The following CGGBP1 variants were observed in gnomAD, a reference collection of about 807,000 sequenced individuals.
CGGBP1 encodes CGG triplet repeat binding protein 1.
In CGGBP1, 4 loss-of-function variants were observed where a neutral mutation model predicts 11.4. The ratio of observed to expected loss-of-function variants is 0.35; its 90% CI spans 0.17 to 0.80. CGGBP1 has a LOEUF of 0.80. CGGBP1 is among the 30% of genes least tolerant of loss of function. The probability of loss-of-function intolerance (pLI) is 0.52; values close to 1 mark genes in which losing one functional copy is unlikely to be tolerated. For synonymous variants in CGGBP1, 76 were observed against 74.1 expected (o/e 1.03, Z -0.13); for missense variants, 135 against 202.1 (o/e 0.67, Z 2.01).
intron 2 of CGGBP1, chr3:88,126,409 G>A: frequency 2.0e-6 from 2 of 1,023,290 alleles, no homozygotes; most frequent in Non-Finnish European, 2.5e-6. Flanking sequence ...CATGAAAAGT[G>A]TTTGTTTTTC....
At chr3:88,074,713 A>G (rs1707706260) in intron 2 of CGGBP1, among the ~76,000 whole-genome samples, 2 of 152,152 alleles carry the variant, frequency 1.3e-5, no homozygotes, top group African/African-American at 4.8e-5. Flanking sequence ...CCCAATACCC[A>G]TTAAATTTAG....
chr3:88,104,710 A>G (rs1321158671), intron 2 of CGGBP1, among the ~76,000 whole-genome samples: 1 of 152,254 alleles, frequency 6.6e-6, no homozygotes, highest in Non-Finnish European at 1.5e-5. Context: ...GTGTTAAGCC[A>G]AAGTGGACAC....
intron 2 of CGGBP1, among the ~76,000 whole-genome samples, chr3:88,129,389 G>C (rs1346986469): frequency 4.0e-5 from 6 of 149,070 alleles, no homozygotes. Context: ...AAGTACTAGA[G>C]GTAAAATGCT....
intron 2 of CGGBP1, among the ~76,000 whole-genome samples, chr3:88,065,953 T>G (rs1288559626): frequency 6.6e-6 from 1 of 152,302 alleles, no homozygotes; most frequent in East Asian, 1.9e-4. Context: ...CAGGCTGGTC[T>G]TAACTCCTGA....
intron 2 of CGGBP1, chr3:88,129,705 T>C: frequency 2.0e-6 from 3 of 1,499,552 alleles, no homozygotes; most frequent in Middle Eastern, 1.8e-4. Flanking sequence ...GAAAACTGAT[T>C]GTAAGAGTGG....
chr3:88,141,723 C>G (rs1707145741), intron 1 of CGGBP1: 4 of 1,239,876 alleles, frequency 3.2e-6, no homozygotes, highest in Non-Finnish European at 4.4e-6. Context: ...AATGCATCAT[C>G]AGTTTGCTAT....
At chr3:88,116,579 T>C (rs200338783) in intron 2 of CGGBP1, among the ~76,000 whole-genome samples, 114 of 45,336 alleles carry the variant, frequency 2.5e-3, no homozygotes, top group Admixed American at 3.8e-3. Flanking sequence ...CACACACACA[T>C]GCACATATAT....
intron 2 of CGGBP1, among the ~76,000 whole-genome samples, chr3:88,124,768 C>G (rs1332600674): frequency 1.3e-5 from 1 of 79,036 alleles, no homozygotes; most frequent in Non-Finnish European, 3.1e-5. Context: ...ATGTACAATA[C>G]TCAGTTTTTT....
intron 2 of CGGBP1, chr3:88,140,066 T>C (rs758971210): frequency 6.8e-6 from 11 of 1,613,808 alleles, no homozygotes; most frequent in Non-Finnish European, 9.3e-6. Flanking sequence ...TTGAAGATTC[T>C]CAACATTTTA....
At chr3:88,096,472 T>A (rs559757963) in intron 2 of CGGBP1, among the ~76,000 whole-genome samples, 1 of 152,232 alleles carries the variant, frequency 6.6e-6, no homozygotes, top group African/African-American at 2.4e-5. Flanking sequence ...GACTTCTGAC[T>A]TCTGCCATTG....
intron 2 of CGGBP1, chr3:88,140,424 A>G: frequency 6.2e-7 from 1 of 1,613,554 alleles, no homozygotes; most frequent in South Asian, 1.1e-5. Context: ...CAAATCAAGG[A>G]AAGAGTCTAC....
Position 88,106,466 on chromosome 3 carries a change from TAG to T in CGGBP1, c.-229+34502_-229+34503del, listed in dbSNP as rs533336062. On this transcript the variant is annotated intron_variant, in intron 2 of 3. Coordinates refer to the CGGBP1 transcript ENST00000462901. ...AGTTCTCCTGCCTCAGCCTCAGGAG[TAG>T]CTGAGATTACACATGTGTGCAGCCA... is the stretch of plus-strand genomic sequence containing the variant. 4.4e-3 allele frequency among the ~76,000 whole-genome samples: 673 copies of T among 151,992 alleles called. 3 individuals carry two copies. Among genetic ancestry groups the T allele is most frequent in the African/African-American group, 0.015 (624 of 41,444 alleles).
In CGGBP1 at chr3:88,072,338, G is replaced by A. The variant is rs182972659; in HGVS notation, c.-228-14115C>T. On this transcript the variant is annotated intron_variant, in intron 2 of 3. Coordinates refer to the CGGBP1 transcript ENST00000462901. The stretch of plus-strand genomic sequence containing the variant: ...AGCAGTCAATGTGATCCTTTTAAAG[G>A]TATGAGTGAGGCCTCTTCCAAACCT... Among the ~76,000 whole-genome samples the A allele has an allele frequency of 9.8e-4, 149 of 152,148 alleles. 1 individual carries two copies. The highest frequency in any genetic ancestry group is 2.7e-3 in the African/African-American group (112 of 41,496).
At chr3:88,141,401 G>T (rs577214967) in intron 1 of CGGBP1, among the ~76,000 whole-genome samples, 36 of 152,098 alleles carry the variant, frequency 2.4e-4, no homozygotes, top group African/African-American at 8.4e-4. Context: ...TTGTAATTTT[G>T]ATGGGAATTA....
At chr3:88,106,206 T>A (rs1426420464) in intron 2 of CGGBP1, among the ~76,000 whole-genome samples, 2 of 152,226 alleles carry the variant, frequency 1.3e-5, no homozygotes, top group East Asian at 1.9e-4. Context: ...TGTGTTTGAT[T>A]TTTCCTGAGC....
At chr3:88,077,663 G>T (rs941377976) in intron 2 of CGGBP1, among the ~76,000 whole-genome samples, 11 of 145,686 alleles carry the variant, frequency 7.6e-5, no homozygotes, top group Non-Finnish European at 1.5e-4. Context: ...ATAACACATA[G>T]GAAAGATAAA....
At position 88,052,668 on chromosome 3, in the gene CGGBP1, G is replaced by C. The variant is rs1706454576; in HGVS notation, c.*2805C>G. 1 of 152,096 alleles carries C rather than the reference G, an allele frequency of 6.6e-6. No homozygotes were observed. Among genetic ancestry groups the C allele is most frequent in the Admixed American group, 6.6e-5 (1 of 15,256 alleles). The allele number at this position is 152,096 out of a possible 1,614,324, so 9.4% of individuals were successfully genotyped here. ...GATGCAGAACTTTTTAATGTTTTCT[G>C]GTCCCTGAAAATTCAATAGGGCCAA... is the stretch of plus-strand genomic sequence containing the variant. On this transcript the variant is annotated 3_prime_UTR_variant, in exon 4 of 4. Coordinates refer to ENST00000482016, the MANE Select transcript of CGGBP1 (RefSeq NM_001008390.2).
chr3:88,116,557 T>TACACACACACACAC (rs745598873), intron 2 of CGGBP1, among the ~76,000 whole-genome samples: 38 of 25,506 alleles, frequency 1.5e-3, no homozygotes, highest in African/African-American at 1.5e-3. Context: ...TACATACATA[T>TACACACACACACAC]ATATACACAC....
intron 2 of CGGBP1, chr3:88,139,743 C>T (rs748459599): frequency 1.3e-6 from 2 of 1,555,238 alleles, no homozygotes; most frequent in Non-Finnish European, 1.7e-6. Context: ...TGTTTTCAAG[C>T]CTTTAACTGA....
Sources: gnomAD v4.1 joint callset for allele counts (sites outside exome capture counted in the v4.1 genomes callset) on GRCh38, gnomAD v4.1.1 for gene constraint, MANE v1.5 for transcripts, NCBI Gene and HGNC (gene_info 2026-07-23, HGNC 2026-07-21) for gene names.